ZNF423: variants seen among roughly 807,000 people sequenced by gnomAD.
ZNF423 encodes the protein Ebf-associated zinc finger protein.
A neutral mutation model predicts 95.8 loss-of-function variants in ZNF423; 12 were observed. The observed-to-expected ratio is 0.13, with a 90% CI of 0.08 to 0.20. The LOEUF (loss-of-function observed/expected upper bound fraction) is 0.20, where lower values mean the gene tolerates loss of function less well. Among genes scored for constraint, ZNF423 ranks in the 10% least tolerant of loss-of-function variants. The probability of loss-of-function intolerance (pLI) is 1.00; values close to 1 mark genes in which losing one functional copy is unlikely to be tolerated. For missense variants in ZNF423, 1,316 were observed against 1,737.1 expected (o/e 0.76, Z 4.31); for synonymous variants, 749 against 711.9 (o/e 1.05, Z -0.83).
intron 5 of ZNF423, among the ~76,000 whole-genome samples, chr16:49,583,251 T>C (rs1970726966): frequency 6.6e-6 from 1 of 152,242 alleles, no homozygotes; most frequent in Non-Finnish European, 1.5e-5. Context: ...ATTTCCTGTA[T>C]GTTCCTATCC....
chr16:49,719,932 C>G (rs901231842), intron 3 of ZNF423, among the ~76,000 whole-genome samples: 5 of 152,234 alleles, frequency 3.3e-5, no homozygotes, highest in African/African-American at 1.2e-4. Flanking sequence ...TCAACACCAT[C>G]TGGGCACCTG....
chr16:49,496,655 T>G (rs192190122), intron 7 of ZNF423, among the ~76,000 whole-genome samples: 20 of 152,320 alleles, frequency 1.3e-4, no homozygotes, highest in African/African-American at 4.8e-4. Context: ...CAAAACAGAC[T>G]AATACAGATG....
At chr16:49,798,753 C>G (rs988604077) in intron 1 of ZNF423, among the ~76,000 whole-genome samples, 4 of 152,180 alleles carry the variant, frequency 2.6e-5, no homozygotes, top group African/African-American at 9.7e-5. Flanking sequence ...TCTCCTTAAA[C>G]TGACTTTAGA....
rs1968561775 is a variant in ZNF423, at chr16:49,525,346, C to A, written c.3733+17G>T. On this transcript the variant is annotated intron_variant, in intron 6 of 7. Transcript: ENST00000563137. ...GTTCATCTCTCTCCCCTGAGGGGCA[C>A]AAGCTGGGTACCTTACCTGTGAAAC... 1 of 1,613,694 alleles carries A rather than the reference C, an allele frequency of 6.2e-7. No individual in the cohort carries two copies. The highest frequency in any genetic ancestry group is 8.5e-7 in the Non-Finnish European group (1 of 1,179,706).
At chr16:49,514,257 C>T (rs1430879156) in intron 7 of ZNF423, among the ~76,000 whole-genome samples, 3 of 144,910 alleles carry the variant, frequency 2.1e-5, no homozygotes, top group African/African-American at 7.9e-5. Context: ...CACACACACA[C>T]ACACATGCAC....
intron 3 of ZNF423, among the ~76,000 whole-genome samples, chr16:49,679,000 G>C (rs2031237384): frequency 6.6e-6 from 1 of 152,222 alleles, no homozygotes; most frequent in African/African-American, 2.4e-5. Flanking sequence ...GTGGTACACA[G>C]GTCAGGAGCC....
At chr16:49,701,352 T>A (rs1248155917) in intron 3 of ZNF423, among the ~76,000 whole-genome samples, 1 of 152,170 alleles carries the variant, frequency 6.6e-6, no homozygotes, top group Non-Finnish European at 1.5e-5. Flanking sequence ...CCAGCCTTGA[T>A]ATTTCCTACG....
At chr16:49,807,940 G>A (rs1017680162) in intron 1 of ZNF423, among the ~76,000 whole-genome samples, 1 of 152,170 alleles carries the variant, frequency 6.6e-6, no homozygotes, top group Non-Finnish European at 1.5e-5. Flanking sequence ...TCAGAGTCAC[G>A]GGATGCTTTT....
At chr16:49,619,948 C>T (rs1168972308) in intron 5 of ZNF423, among the ~76,000 whole-genome samples, 1 of 152,184 alleles carries the variant, frequency 6.6e-6, no homozygotes, top group Non-Finnish European at 1.5e-5. Context: ...CCAGAGACTC[C>T]TTCCCCTCCA....
intron 5 of ZNF423, among the ~76,000 whole-genome samples, chr16:49,610,877 T>C (rs1273691728): frequency 2.0e-5 from 3 of 152,032 alleles, no homozygotes; most frequent in Non-Finnish European, 4.4e-5. Flanking sequence ...ATATTAATAT[T>C]ATATAATGAA....
intron 3 of ZNF423, among the ~76,000 whole-genome samples, chr16:49,706,055 G>C (rs1032122234): frequency 6.6e-6 from 1 of 152,110 alleles, no homozygotes; most frequent in Non-Finnish European, 1.5e-5. Flanking sequence ...TTAACGCAGA[G>C]AGAACAGCGT....
At chr16:49,491,750 G>A (rs971873251) in intron 7 of ZNF423, among the ~76,000 whole-genome samples, 2 of 152,140 alleles carry the variant, frequency 1.3e-5, no homozygotes, top group Non-Finnish European at 2.9e-5. Flanking sequence ...CCCCGTGGCT[G>A]CTCCGAGCCT....
At chr16:49,842,800 C>T (rs1256909266) in intron 1 of ZNF423, among the ~76,000 whole-genome samples, 1 of 151,900 alleles carries the variant, frequency 6.6e-6, no homozygotes, top group Non-Finnish European at 1.5e-5. Context: ...ATGGTGAAAC[C>T]CTATCTCCAC....
intron 2 of ZNF423, among the ~76,000 whole-genome samples, chr16:49,760,929 C>CGT (rs2033819549): frequency 1.3e-5 from 2 of 151,394 alleles, no homozygotes; most frequent in Admixed American, 1.3e-4. Flanking sequence ...CACACACACA[C>CGT]ACACACACGT....
At chr16:49,597,205 A>G (rs1442867817) in intron 5 of ZNF423, among the ~76,000 whole-genome samples, 1 of 151,890 alleles carries the variant, frequency 6.6e-6, no homozygotes, top group Non-Finnish European at 1.5e-5. Flanking sequence ...TGGCCAGGGG[A>G]AGATCAGCCC....
rs114660380 is a variant in ZNF423 at position 49,681,511 on chromosome 16, C to T, written c.302-42637G>A. ...TGGGGCAGATGTATAAACCTTGGTG[C>T]TGGAAGGATGGACTGGGAGATTAAA... On this transcript the variant is annotated intron_variant, in intron 3 of 7. Coordinates refer to ENST00000563137, the MANE Select transcript of ZNF423 (RefSeq NM_001379286.1). Among the ~76,000 whole-genome samples, 551 of 152,334 alleles carry T rather than the reference C, an allele frequency of 3.6e-3. 5 individuals are homozygous for T. The highest frequency in any genetic ancestry group is 0.012 in the African/African-American group (492 of 41,580).
At chr16:49,700,085 G>C (rs1025661727) in intron 3 of ZNF423, among the ~76,000 whole-genome samples, 26 of 151,594 alleles carry the variant, frequency 1.7e-4, no homozygotes, top group Non-Finnish European at 3.4e-4. Flanking sequence ...AGGCCTCCTT[G>C]ATCAGGCAGA....
At chr16:49,535,823 T>C (rs541223780) in intron 5 of ZNF423, among the ~76,000 whole-genome samples, 2 of 152,350 alleles carry the variant, frequency 1.3e-5, no homozygotes, top group African/African-American at 4.8e-5. Context: ...CACCTACTGA[T>C]GTATATCACT....
At chr16:49,551,151 G>C (rs1403100027) in intron 5 of ZNF423, among the ~76,000 whole-genome samples, 1 of 152,256 alleles carries the variant, frequency 6.6e-6, no homozygotes, top group African/African-American at 2.4e-5. Flanking sequence ...GGAGGGATGT[G>C]TGTTCCCACC....
Sources: allele counts gnomAD v4.1 joint callset (sites outside exome capture counted in the v4.1 genomes callset), GRCh38; gene constraint gnomAD v4.1.1; transcripts MANE v1.5; gene names NCBI Gene and HGNC (gene_info 2026-07-23, HGNC 2026-07-21).